CD58: variants seen among roughly 807,000 people sequenced by gnomAD.
CD58 encodes the protein CD58 molecule.
In CD58, 14 loss-of-function variants were observed where a neutral mutation model predicts 27.6. The ratio of observed to expected loss-of-function variants is 0.51; its 90% CI spans 0.34 to 0.79. CD58 has a LOEUF of 0.79. CD58 is among the 30% of genes least tolerant of loss of function. The probability of loss-of-function intolerance (pLI) is 0.02; values close to 1 mark genes in which losing one functional copy is unlikely to be tolerated. For missense variants in CD58, 268 were observed against 301.7 expected (o/e 0.89, Z 0.83); for synonymous variants, 117 against 103.8 (o/e 1.13, Z -0.77).
rs1657364161 is a variant in CD58 at position 116,524,354 on chromosome 1, C to T, written c.629-2371G>A. Among the ~76,000 whole-genome samples the T allele has an allele frequency of 6.6e-6, 1 of 152,130 alleles. No homozygotes were observed. The highest frequency in any genetic ancestry group is 6.5e-5 in the Admixed American group (1 of 15,270). ...AACACTGGTCACTCAAATCTGGGTC[C>T]AAGAACCAAGAAGCATGCAAATTGC... On this transcript the variant is annotated intron_variant, in intron 3 of 5. Transcript: ENST00000369489. This position sits in a 1 kb window ranked among gnomAD's most constrained non-coding sequence, Gnocchi z 4.6.
intron 2 of CD58, 51 bp downstream of exon 2, chr1:116,544,259 TA>T (rs1385274194): frequency 4.6e-6 from 6 of 1,312,562 alleles, no homozygotes; most frequent in Non-Finnish European, 6.4e-6. Context: ...GAAAACAGAC[TA>T]AAAAAATGGA....
chr1:116,518,521 G>A (rs767564790), intron 5 of CD58, among the ~76,000 whole-genome samples: 29 of 152,032 alleles, frequency 1.9e-4, no homozygotes, highest in Non-Finnish European at 3.7e-4. Flanking sequence ...TGCCAGCCCA[G>A]CCCCATCTTT....
intron 1 of CD58, among the ~76,000 whole-genome samples, chr1:116,564,297 T>A (rs922514927): frequency 6.6e-6 from 1 of 152,032 alleles, no homozygotes; most frequent in South Asian, 2.1e-4. Context: ...ATTCAACAAG[T>A]CTCTAGGAAG....
Position 116,514,650 on chromosome 1 carries a change from T to G in CD58, c.*163A>C. 1.8e-6 allele frequency: 1 copy of G among 554,330 alleles called. No homozygotes were observed. The highest frequency in any genetic ancestry group is 3.3e-6 in the Non-Finnish European group (1 of 306,492). 34.3% of individuals were successfully genotyped at this position (554,330 alleles called of 1,614,324 possible). A position where few individuals can be genotyped will look rare whatever the true frequency, so the allele number is the denominator to read the frequency against. ...ATAATAAGTTGATGACAGCCAAAAC[T>G]AATGCTTGTTCTTTGTTAGTGGGTA... On this transcript the variant is annotated 3_prime_UTR_variant, in exon 6 of 6. Coordinates refer to ENST00000369489, the MANE Select transcript of CD58 (RefSeq NM_001779.3).
chr1:116,565,094 C>T (rs1658887487), intron 1 of CD58, among the ~76,000 whole-genome samples: 2 of 152,202 alleles, frequency 1.3e-5, no homozygotes, highest in African/African-American at 4.8e-5. Context: ...AACCAACCTC[C>T]CTGCTCTTCC....
intron 2 of CD58, among the ~76,000 whole-genome samples, chr1:116,539,508 A>AAAAG (rs1657923513): frequency 6.6e-6 from 1 of 152,184 alleles, no homozygotes; most frequent in African/African-American, 2.4e-5. Flanking sequence ...AGGGTTTGTA[A>AAAAG]AAAAGAAAAG....
chr1:116,547,204 ATAGCT>A (rs1030292826), intron 1 of CD58, among the ~76,000 whole-genome samples: 5 of 151,578 alleles, frequency 3.3e-5, no homozygotes, highest in Non-Finnish European at 4.4e-5. Context: ...TCATTCTTAC[ATAGCT>A]TAGCTCCCAC....
chr1:116,534,451 G>T lies in CD58; in HGVS notation c.628+1514C>A, dbSNP rs1012090112. Among the ~76,000 whole-genome samples, 52 of 152,344 alleles carry T rather than the reference G, an allele frequency of 3.4e-4. 4 individuals carry two copies. In the East Asian group the frequency reaches 4.6e-3, roughly 14 times the overall value. ...GCGCCGCGGCCCTCCGGGTACGCGG[G>T]GCTGGCTGGGCTAGCGGGAGATTTG... On this transcript the variant is annotated intron_variant, in intron 3 of 5. Transcript: ENST00000369489. This position sits in a 1 kb window ranked among gnomAD's most constrained non-coding sequence, Gnocchi z 5.3.
rs1213326840 is a variant in CD58 at position 116,563,130 on chromosome 1, T to A, written c.70+7773A>T. On this transcript the variant is annotated intron_variant, in intron 1 of 5. Transcript: ENST00000369489. The surrounding 1 kb of genome is among the most constrained non-coding windows in gnomAD (Gnocchi z 4.1). ...GAGAAATTGTCCAAAACAAAAGGGC[T>A]ACAGGCCCCATGCAAGTCCTAAATC... is the stretch of plus-strand genomic sequence containing the variant. Among the ~76,000 whole-genome samples, 2 of 152,216 alleles carry A rather than the reference T, an allele frequency of 1.3e-5. No individual in the cohort carries two copies. The highest frequency in any genetic ancestry group is 4.8e-5 in the African/African-American group (2 of 41,456).
rs1319081498 is a variant in CD58 at position 116,570,503 on chromosome 1, C to A, written c.70+400G>T. ...CCCTCGAGCAGGTGGCATCCGCGCC[C>A]GCTCCCCGTCCCGGGCGCGTTCACG... On this transcript the variant is annotated intron_variant, in intron 1 of 5. Transcript: ENST00000369489. The surrounding 1 kb of genome is among the most constrained non-coding windows in gnomAD (Gnocchi z 6.4). Among the ~76,000 whole-genome samples the A allele has an allele frequency of 3.6e-4, 55 of 152,128 alleles. No homozygotes were observed. The highest frequency in any genetic ancestry group is 5.9e-5 in the Non-Finnish European group (4 of 67,962).
intron 1 of CD58, among the ~76,000 whole-genome samples, chr1:116,555,966 G>T (rs959067751): frequency 1.3e-5 from 2 of 152,018 alleles, no homozygotes; most frequent in South Asian, 2.1e-4. Context: ...CTATAAATAG[G>T]TACTCACCAC....
rs1374034519 is a variant in CD58, at chr1:116,522,973, A to G, written c.629-990T>C. Among the ~76,000 whole-genome samples, 3 of 152,178 alleles carry G rather than the reference A, an allele frequency of 2.0e-5. No individual in the cohort carries two copies. Among genetic ancestry groups the G allele is most frequent in the Non-Finnish European group, 2.9e-5 (2 of 68,038 alleles). ...TTCTCACAGGGTAACTATACTCGAGACTAATAAATATACTTATCTCATAGG... is the reference window on the plus strand; with the variant it reads ...TTCTCACAGGGTAACTATACTCGAGGCTAATAAATATACTTATCTCATAGG... On this transcript the variant is annotated intron_variant, in intron 3 of 5. Coordinates refer to ENST00000369489, the MANE Select transcript of CD58 (RefSeq NM_001779.3). This position sits in a 1 kb window ranked among gnomAD's most constrained non-coding sequence, Gnocchi z 4.6.
chr1:116,542,451 C>T (rs1658020918), intron 2 of CD58, among the ~76,000 whole-genome samples: 2 of 152,124 alleles, frequency 1.3e-5, no homozygotes, highest in Admixed American at 6.5e-5. Context: ...GGAGTTTTGG[C>T]ATAGCAGTGC....
In CD58 at chr1:116,518,972, T is replaced by TCTCTGCTGTCG. The variant is rs1048113906; in HGVS notation, c.743+258_743+259insCGACAGCAGAG. 4 of 1,018,506 alleles carry TCTCTGCTGTCG rather than the reference T, an allele frequency of 3.9e-6. No homozygotes were observed. The African/African-American group carries it at 6.5e-5, about 17-fold the overall frequency. The allele number at this position is 1,018,506 out of a possible 1,614,324, so 63.1% of individuals were successfully genotyped here. On this transcript the variant is annotated intron_variant, in intron 5 of 5. Coordinates refer to ENST00000369489, the MANE Select transcript of CD58 (RefSeq NM_001779.3). The stretch of plus-strand genomic sequence containing the variant: ...TTCTATGAATCTCATATGCGCTGTC[T>TCTCTGCTGTCG]CTAAGCAAGGGGTATGATACTCCTC...
At chr1:116,525,887 G>A (rs1410120072) in intron 3 of CD58, among the ~76,000 whole-genome samples, 1 of 152,172 alleles carries the variant, frequency 6.6e-6, no homozygotes, top group Non-Finnish European at 1.5e-5. Context: ...CTGACCTCAG[G>A]TGATCCGCCT....
Position 116,536,915 on chromosome 1 carries a change from T to A in CD58, c.365-687A>T, listed in dbSNP as rs1657828913. Among the ~76,000 whole-genome samples, 1 of 152,156 alleles carries A rather than the reference T, an allele frequency of 6.6e-6. No homozygotes were observed. Among genetic ancestry groups the A allele is most frequent in the African/African-American group, 2.4e-5 (1 of 41,422 alleles). ...ACCTGAATTAACACAAGGATTTGAG[T>A]CTTTCTCACTCACTTCAAATATTCA... On this transcript the variant is annotated intron_variant, in intron 2 of 5. Transcript: ENST00000369489. The surrounding 1 kb of genome is among the most constrained non-coding windows in gnomAD (Gnocchi z 5.4).
chr1:116,544,598 A>G lies in CD58; in HGVS notation c.77T>C (p.Ile26Thr). 1 of 1,577,152 alleles carries G rather than the reference A, an allele frequency of 6.3e-7. No individual in the cohort carries two copies. Among genetic ancestry groups the G allele is most frequent in the Non-Finnish European group, 8.6e-7 (1 of 1,164,050 alleles). ...ATATATTTGTTGGGAAAAACAGCTG[A>G]TGAAACCTAGGAGAGAAAAAAAAAT... ...VVCLLHCFGF[I>T]SCFSQQIYGV... The change falls in exon 2 of 6, where the codon ATC becomes ACC. Residue 26 changes from isoleucine (I) to threonine (T), a missense_variant. Coordinates refer to ENST00000369489, the MANE Select transcript of CD58 (RefSeq NM_001779.3).
At chr1:116,535,193 A>AT (rs1203356074) in intron 3 of CD58, among the ~76,000 whole-genome samples, 1 of 152,266 alleles carries the variant, frequency 6.6e-6, no homozygotes, top group Non-Finnish European at 1.5e-5. Flanking sequence ...CTAAGGAAAC[A>AT]TATCAAATGC....
chr1:116,528,940 T>C lies in CD58; in HGVS notation c.629-6957A>G, dbSNP rs1241738289. On this transcript the variant is annotated intron_variant, in intron 3 of 5. Coordinates refer to ENST00000369489, the MANE Select transcript of CD58 (RefSeq NM_001779.3). The surrounding 1 kb of genome is among the most constrained non-coding windows in gnomAD (Gnocchi z 4.4). ...TCCTCCTTAAACCATTGGCTGTATA[T>C]AATGTTATACCAAATGTCCTCTCTT... 6.6e-6 allele frequency among the ~76,000 whole-genome samples: 1 copy of C among 152,252 alleles called. No individual in the cohort carries two copies. Among genetic ancestry groups the C allele is most frequent in the Non-Finnish European group, 1.5e-5 (1 of 68,042 alleles).
Sources: gnomAD v4.1 joint callset for allele counts (sites outside exome capture counted in the v4.1 genomes callset) on GRCh38, gnomAD v4.1.1 for gene constraint, Gnocchi (gnomAD v3.1) non-coding constraint, MANE v1.5 for transcripts, NCBI Gene and HGNC (gene_info 2026-07-23, HGNC 2026-07-21) for gene names.